Variants in PIP4K2A observed in about 807,000 individuals in gnomAD.
The protein encoded by PIP4K2A is phosphatidylinositol-5-phosphate 4-kinase type 2 alpha.
In PIP4K2A, 14 loss-of-function variants were observed where a neutral mutation model predicts 42.9. The ratio of observed to expected loss-of-function variants is 0.33; its 90% CI spans 0.22 to 0.51. The LOEUF is 0.51. Among genes scored for constraint, PIP4K2A ranks in the 20% least tolerant of loss-of-function variants. The probability of loss-of-function intolerance (pLI) is 0.97; values close to 1 mark genes in which losing one functional copy is unlikely to be tolerated. For synonymous variants in PIP4K2A, 192 were observed against 192.2 expected, an observed-to-expected ratio of 1.00 and a Z score of 0.01; for missense variants, 434 against 519.8, an observed-to-expected ratio of 0.83 and a Z score of 1.61.
chr10:22,714,380 C>G lies in PIP4K2A; in HGVS notation c.-54G>C. The G allele has an allele frequency of 1.5e-6, 2 of 1,363,376 alleles. No individual in the cohort carries two copies. Among genetic ancestry groups the G allele is most frequent in the Non-Finnish European group, 1.9e-6 (2 of 1,042,522 alleles). The allele number at this position is 1,363,376 out of a possible 1,614,324, so 84.5% of individuals were successfully genotyped here. ...GTGCTCCCGAGGCCGGGGACCCGCC[C>G]TCTCTACACCCCGGCCCGGGGAGGC... On this transcript the variant is annotated 5_prime_UTR_variant, in exon 1 of 10. Coordinates refer to ENST00000376573, the MANE Select transcript of PIP4K2A (RefSeq NM_005028.5).
chr10:22,582,391 C>T (rs1357263124), intron 4 of PIP4K2A, among the ~76,000 whole-genome samples: 1 of 151,674 alleles, frequency 6.6e-6, no homozygotes, highest in Non-Finnish European at 1.5e-5. Flanking sequence ...AAGAGATTCA[C>T]AGCTGACTGA....
At chr10:22,564,654 G>A (rs778462483) in intron 6 of PIP4K2A, among the ~76,000 whole-genome samples, 18 of 152,366 alleles carry the variant, frequency 1.2e-4, no homozygotes, top group South Asian at 2.1e-4. Flanking sequence ...GACAGTCACT[G>A]TTTCTGCCTC....
chr10:22,628,693 T>G (rs893481972), intron 1 of PIP4K2A, among the ~76,000 whole-genome samples: 1 of 152,154 alleles, frequency 6.6e-6, no homozygotes, highest in Non-Finnish European at 1.5e-5. Flanking sequence ...ATAGGTAGAT[T>G]GAAAAATTTT....
chr10:22,634,061 T>C (rs913232801), intron 1 of PIP4K2A, among the ~76,000 whole-genome samples: 6 of 152,176 alleles, frequency 3.9e-5, no homozygotes, highest in African/African-American at 1.2e-4. Context: ...TAAATCAAAA[T>C]ATGATTATGG....
intron 6 of PIP4K2A, among the ~76,000 whole-genome samples, chr10:22,559,594 T>G (rs753482045): frequency 1.3e-5 from 2 of 152,218 alleles, no homozygotes; most frequent in Non-Finnish European, 2.9e-5. Flanking sequence ...AAAACTTCAT[T>G]TCCAGAATAC....
chr10:22,621,491 A>C (rs1458080371), intron 1 of PIP4K2A, among the ~76,000 whole-genome samples: 1 of 152,208 alleles, frequency 6.6e-6, no homozygotes, highest in Non-Finnish European at 1.5e-5. Context: ...TTCTAAAACT[A>C]GAGTTCCCCA....
chr10:22,677,848 T>C (rs1016538484), intron 1 of PIP4K2A, among the ~76,000 whole-genome samples: 8 of 152,184 alleles, frequency 5.3e-5, no homozygotes, highest in Admixed American at 2.0e-4. Context: ...AGTGGCCTTC[T>C]AGCTGAAGTT....
At chr10:22,617,334 A>G (rs1838197914) in intron 1 of PIP4K2A, among the ~76,000 whole-genome samples, 1 of 152,256 alleles carries the variant, frequency 6.6e-6, no homozygotes, top group Non-Finnish European at 1.5e-5. Flanking sequence ...CGGTTCTGAA[A>G]TTACGGCATA....
chr10:22,620,792 A>AG (rs1838311190), intron 1 of PIP4K2A, among the ~76,000 whole-genome samples: 1 of 152,218 alleles, frequency 6.6e-6, no homozygotes, highest in Admixed American at 6.5e-5. Flanking sequence ...TAGCCACCAC[A>AG]GGGCTCTGGT....
intron 1 of PIP4K2A, among the ~76,000 whole-genome samples, chr10:22,671,971 C>A (rs1371534004): frequency 6.6e-6 from 1 of 151,890 alleles, no homozygotes; most frequent in Non-Finnish European, 1.5e-5. Flanking sequence ...TTTTTGGCAA[C>A]CAATGTTTCA....
chr10:22,677,661 T>C (rs1839584468), intron 1 of PIP4K2A, among the ~76,000 whole-genome samples: 1 of 152,172 alleles, frequency 6.6e-6, no homozygotes, highest in Non-Finnish European at 1.5e-5. Flanking sequence ...AATAAAAAGG[T>C]ACAAGAAAAA....
In PIP4K2A at chr10:22,540,488, T is replaced by TG. The variant is rs1452489269; in HGVS notation, c.1037-415dup. 2.6e-5 allele frequency among the ~76,000 whole-genome samples: 4 copies of TG among 152,238 alleles called. No individual in the cohort carries two copies. In the East Asian group the frequency reaches 7.7e-4, roughly 29 times the overall value. On this transcript the variant is annotated intron_variant, in intron 8 of 9. Transcript: ENST00000376573. Reference sequence around the variant, plus strand: ...ATGTACACTAATCCTTTACATCAAATGGTAGAACTGTTCATAATTCTCACT... The same window carrying TG: ...ATGTACACTAATCCTTTACATCAAATGGGTAGAACTGTTCATAATTCTCACT...
At position 22,623,450 on chromosome 10, in the gene PIP4K2A, G is replaced by A. The variant is rs79386176; in HGVS notation, c.145-13733C>T. 2.8e-3 allele frequency among the ~76,000 whole-genome samples: 426 copies of A among 152,250 alleles called. 2 individuals are homozygous for A. Among genetic ancestry groups the A allele is most frequent in the African/African-American group, 0.01 (416 of 41,524 alleles). On this transcript the variant is annotated intron_variant, in intron 1 of 9. Transcript: ENST00000376573. The stretch of plus-strand genomic sequence containing the variant: ...CTTCCACAAGGGCGGTGTGCTCCTC[G>A]GGGAGAAGACAGCAGAGCTTCTCTA...
chr10:22,690,675 A>C (rs1190901476), intron 1 of PIP4K2A, among the ~76,000 whole-genome samples: 1 of 152,142 alleles, frequency 6.6e-6, no homozygotes, highest in Non-Finnish European at 1.5e-5. Flanking sequence ...GGTCATCCTT[A>C]CCTCATTCTG....
chr10:22,603,744 G>T (rs1007890922), intron 3 of PIP4K2A, among the ~76,000 whole-genome samples: 6 of 152,120 alleles, frequency 3.9e-5, no homozygotes, highest in African/African-American at 1.4e-4. Flanking sequence ...AGGGCTTAAG[G>T]GGGCAGTGGT....
chr10:22,598,152 G>A (rs1477343696), intron 3 of PIP4K2A, among the ~76,000 whole-genome samples: 2 of 152,180 alleles, frequency 1.3e-5, no homozygotes, highest in Non-Finnish European at 2.9e-5. Flanking sequence ...GAGGCCAGGA[G>A]TTTGGGACCA....
At chr10:22,631,699 G>C (rs1838553459) in intron 1 of PIP4K2A, among the ~76,000 whole-genome samples, 1 of 152,100 alleles carries the variant, frequency 6.6e-6, no homozygotes, top group South Asian at 2.1e-4. Flanking sequence ...AAGGAATAAT[G>C]AAAATTAAAA....
At chr10:22,690,834 T>G (rs1346914355) in intron 1 of PIP4K2A, among the ~76,000 whole-genome samples, 3 of 152,234 alleles carry the variant, frequency 2.0e-5, no homozygotes, top group Admixed American at 6.5e-5. Context: ...AATGCTGCAT[T>G]GATTGCAAAA....
intron 4 of PIP4K2A, among the ~76,000 whole-genome samples, chr10:22,579,049 A>G (rs1251906271): frequency 6.6e-6 from 1 of 152,206 alleles, no homozygotes; most frequent in Non-Finnish European, 1.5e-5. Context: ...GCCACGACAA[A>G]TGAAGAACTT....
Sources: gnomAD v4.1 joint callset for allele counts (sites outside exome capture counted in the v4.1 genomes callset) on GRCh38, gnomAD v4.1.1 for gene constraint, MANE v1.5 for transcripts, NCBI Gene and HGNC (gene_info 2026-07-23, HGNC 2026-07-21) for gene names.